The following RALGPS1 variants were observed in gnomAD, a reference collection of about 807,000 sequenced individuals.
RALGPS1 encodes Ral GEF with PH domain and SH3 binding motif 1, also known as ras-specific guanine nucleotide-releasing factor RalGPS1.
Under a neutral mutation model 78.8 loss-of-function variants are expected in RALGPS1, and 19 were observed. That is an observed-to-expected ratio of 0.24 (90% confidence interval 0.17 to 0.35). The LOEUF is 0.35. Among genes scored for constraint, RALGPS1 ranks in the 10% least tolerant of loss-of-function variants. The pLI, the probability that RALGPS1 is intolerant of heterozygous loss-of-function variation, is 1.00. For missense variants in RALGPS1, 454 were observed against 688.3 expected, an observed-to-expected ratio of 0.66 and a Z score of 3.81; for synonymous variants, 228 against 256.3, an observed-to-expected ratio of 0.89 and a Z score of 1.06.
chr9:127,155,860 TG>T (rs925200463), intron 8 of RALGPS1, among the ~76,000 whole-genome samples: 1 of 151,668 alleles, frequency 6.6e-6, no homozygotes, highest in African/African-American at 2.4e-5. Flanking sequence ...AAAAAGTGTT[TG>T]CTTCTTTAAT....
At chr9:127,189,263 G>A (rs534029271) in intron 11 of RALGPS1, among the ~76,000 whole-genome samples, 1 of 152,270 alleles carries the variant, frequency 6.6e-6, no homozygotes, top group Non-Finnish European at 1.5e-5. Context: ...GTCCTCAAAT[G>A]CTTTCTAGGC....
At chr9:127,175,198 A>C (rs1027712737) in intron 11 of RALGPS1, among the ~76,000 whole-genome samples, 2 of 152,226 alleles carry the variant, frequency 1.3e-5, no homozygotes, top group East Asian at 3.9e-4. Context: ...CACCAGATGC[A>C]GGTGGCTCAT....
In RALGPS1 at chr9:127,214,919, G is replaced by T. The variant is rs1019391538; in HGVS notation, c.1644+77G>T. 4.4e-6 allele frequency: 7 copies of T among 1,590,218 alleles called. No individual in the cohort carries two copies. The African/African-American group carries it at 8.2e-5, about 19-fold the overall frequency. Reference sequence around the variant, plus strand: ...GGAACTAAGGGTCTTTAGAAAACAGGGTTCCCTTCTTCTTTCAGAGCCCAT... The same window carrying T: ...GGAACTAAGGGTCTTTAGAAAACAGTGTTCCCTTCTTCTTTCAGAGCCCAT... On this transcript the variant is annotated intron_variant, in intron 18 of 18. Transcript: ENST00000259351.
intron 6 of RALGPS1, among the ~76,000 whole-genome samples, chr9:127,052,142 C>T (rs1343921205): frequency 6.6e-6 from 1 of 152,198 alleles, no homozygotes; most frequent in Admixed American, 6.5e-5. Flanking sequence ...GGAACCAGGT[C>T]TTTTGATTCC....
Position 127,000,534 on chromosome 9 carries a change from C to CTTTTTTTTTTTTTTTTTTTTTTTTTT in RALGPS1, c.216+22795_216+22820dup. Among the ~76,000 whole-genome samples the CTTTTTTTTTTTTTTTTTTTTTTTTTT allele has an allele frequency of 6.0e-5, 2 of 33,308 alleles. 1 individual carries two copies. The highest frequency in any genetic ancestry group is 9.3e-5 in the Non-Finnish European group (2 of 21,516). The allele number at this position is 33,308 out of a possible 152,430, so 21.9% of individuals were successfully genotyped here. On this transcript the variant is annotated intron_variant, in intron 4 of 18. Coordinates refer to ENST00000259351, the MANE Select transcript of RALGPS1 (RefSeq NM_014636.3). ...TCCTGCTATTGATTTCTTGTCTTGTCTTTTTTTTTTTTTTTTTTTTTTTTT... is the reference window on the plus strand; with the variant it reads ...TCCTGCTATTGATTTCTTGTCTTGTCTTTTTTTTTTTTTTTTTTTTTTTTTTTTTTTTTTTTTTTTTTTTTTTTTTT...
intron 1 of RALGPS1, among the ~76,000 whole-genome samples, chr9:126,926,573 G>T (rs1212044126): frequency 6.6e-6 from 1 of 152,140 alleles, no homozygotes; most frequent in Non-Finnish European, 1.5e-5. Flanking sequence ...AGGTGGTTTG[G>T]GGTCAGTTCA....
At chr9:127,066,180 CCAGTGGCCT>C (rs1471281429) in intron 7 of RALGPS1, among the ~76,000 whole-genome samples, 3 of 152,310 alleles carry the variant, frequency 2.0e-5, no homozygotes, top group African/African-American at 7.2e-5. Context: ...GACCAGAGAA[CCAGTGGCCT>C]GAGCCCTGGG....
intron 1 of RALGPS1, among the ~76,000 whole-genome samples, chr9:126,960,168 C>T (rs1314755364): frequency 1.1e-5 from 1 of 89,156 alleles, no homozygotes; most frequent in Non-Finnish European, 2.2e-5. Flanking sequence ...CCTTCCTTCC[C>T]TCCCTCCCTC....
chr9:127,018,802 C>T (rs189083266), intron 4 of RALGPS1, among the ~76,000 whole-genome samples: 29 of 152,122 alleles, frequency 1.9e-4, no homozygotes, highest in Non-Finnish European at 3.1e-4. Flanking sequence ...GGTTTGTTTA[C>T]ACCAGCATCA....
chr9:127,100,641 C>T (rs2053627700), intron 8 of RALGPS1, among the ~76,000 whole-genome samples: 1 of 152,072 alleles, frequency 6.6e-6, no homozygotes, highest in Non-Finnish European at 1.5e-5. Context: ...GGGCAGTGCC[C>T]CAGGGTTCCA....
intron 1 of RALGPS1, among the ~76,000 whole-genome samples, chr9:126,925,405 G>C (rs545149266): frequency 5.9e-5 from 9 of 151,798 alleles, no homozygotes; most frequent in Admixed American, 2.0e-4. Context: ...AAAATTAGCC[G>C]GGCATGGTGG....
chr9:127,010,081 G>C (rs999049954), intron 4 of RALGPS1, among the ~76,000 whole-genome samples: 2 of 152,148 alleles, frequency 1.3e-5, no homozygotes, highest in African/African-American at 2.4e-5. Context: ...GTGCTGAAGG[G>C]CTGTGAGAGT....
intron 7 of RALGPS1, among the ~76,000 whole-genome samples, chr9:127,058,212 G>A (rs2048905260): frequency 6.6e-6 from 1 of 152,228 alleles, no homozygotes; most frequent in Non-Finnish European, 1.5e-5. Flanking sequence ...GGAGATGGAT[G>A]TGAGAGGCAG....
intron 1 of RALGPS1, among the ~76,000 whole-genome samples, chr9:126,932,531 A>G (rs1223092852): frequency 1.3e-5 from 2 of 152,184 alleles, no homozygotes; most frequent in Non-Finnish European, 2.9e-5. Flanking sequence ...GGGATAATAC[A>G]CGTGGTACAC....
intron 4 of RALGPS1, among the ~76,000 whole-genome samples, chr9:126,980,502 C>G (rs566110321): frequency 1.3e-5 from 2 of 152,076 alleles, no homozygotes; most frequent in Non-Finnish European, 2.9e-5. Flanking sequence ...GACTGGGCAC[C>G]CTAGTGGTTC....
intron 8 of RALGPS1, among the ~76,000 whole-genome samples, chr9:127,097,737 C>T (rs1320922377): frequency 1.3e-5 from 2 of 152,172 alleles, no homozygotes; most frequent in Admixed American, 6.5e-5. Flanking sequence ...ATAATGCCCT[C>T]GTAGGGGGCC....
intron 1 of RALGPS1, among the ~76,000 whole-genome samples, chr9:126,923,904 T>G (rs756253338): frequency 3.3e-5 from 5 of 152,246 alleles, no homozygotes; most frequent in Non-Finnish European, 4.4e-5. Context: ...AAGATACTTG[T>G]TGTTTCAGTT....
chr9:127,113,410 G>C (rs913486244), intron 8 of RALGPS1, among the ~76,000 whole-genome samples: 4 of 151,584 alleles, frequency 2.6e-5, no homozygotes, highest in South Asian at 2.1e-4. Flanking sequence ...TTTTTTGCCA[G>C]TTTGGCGGCT....
chr9:127,170,216 G>A (rs1366034922), intron 10 of RALGPS1, among the ~76,000 whole-genome samples: 2 of 152,120 alleles, frequency 1.3e-5, no homozygotes, highest in African/African-American at 4.8e-5. Context: ...GACCCTAAGG[G>A]GAACGGATGT....
Sources: allele counts gnomAD v4.1 joint callset (sites outside exome capture counted in the v4.1 genomes callset), GRCh38; gene constraint gnomAD v4.1.1; transcripts MANE v1.5; gene names NCBI Gene and HGNC (gene_info 2026-07-23, HGNC 2026-07-21).